The following PCDH15 variants were observed in gnomAD, a reference collection of about 807,000 sequenced individuals.
PCDH15 encodes protocadherin related 15, also known as protocadherin-15.
A neutral mutation model predicts 178.5 loss-of-function variants in PCDH15; 129 were observed. That is an observed-to-expected ratio of 0.72 (90% CI 0.63 to 0.84). PCDH15 has a LOEUF of 0.84. Ranked by LOEUF, PCDH15 falls within the 40% of genes least tolerant of loss-of-function variation. The probability of loss-of-function intolerance (pLI) is 0.00; values close to 1 mark genes in which losing one functional copy is unlikely to be tolerated. For missense variants in PCDH15, 2,230 were observed against 2,099.9 expected, an observed-to-expected ratio of 1.06 and a Z score of -1.21; for synonymous variants, 800 against 732.0, an observed-to-expected ratio of 1.09 and a Z score of -1.50.
chr10:54,212,447 A>G (rs2051549143), intron 10 of PCDH15, among the ~76,000 whole-genome samples: 1 of 152,042 alleles, frequency 6.6e-6, no homozygotes, highest in Admixed American at 6.6e-5. Context: ...CCTGTGCATT[A>G]TGTCTCCAAG....
chr10:53,866,867 G>A lies in PCDH15; in HGVS notation c.3502-10C>T, dbSNP rs751195706. The A allele has an allele frequency of 6.4e-7, 1 of 1,550,858 alleles. No homozygotes were observed. Among genetic ancestry groups the A allele is most frequent in the Non-Finnish European group, 8.8e-7 (1 of 1,136,712 alleles). ...TATCTTTATCAGTAGCCTAGACGGA[G>A]GGGAAAAAAAAAGAGATTATAATTA... On this transcript the variant is annotated splice_polypyrimidine_tract_variant and intron_variant, in intron 26 of 37. Coordinates refer to ENST00000644397, the MANE Select transcript of PCDH15 (RefSeq NM_001384140.1).
intron 2 of PCDH15, among the ~76,000 whole-genome samples, chr10:54,926,328 G>A (rs1837625269): frequency 6.6e-6 from 1 of 152,050 alleles, no homozygotes; most frequent in African/African-American, 2.4e-5. Context: ...GCTTTTTGAT[G>A]TGCTGCTGGA....
At chr10:53,989,117 C>T (rs994889901) in intron 21 of PCDH15, among the ~76,000 whole-genome samples, 1 of 152,130 alleles carries the variant, frequency 6.6e-6, no homozygotes, top group Non-Finnish European at 1.5e-5. Flanking sequence ...TTAAAGTATA[C>T]CTACTGGAAT....
chr10:54,366,591 T>C (rs1266076665), intron 5 of PCDH15, among the ~76,000 whole-genome samples: 1 of 152,058 alleles, frequency 6.6e-6, no homozygotes, highest in Non-Finnish European at 1.5e-5. Context: ...AGATAATTCA[T>C]AATTTATAAT....
intron 5 of PCDH15, among the ~76,000 whole-genome samples, chr10:54,368,383 A>T (rs1407885650): frequency 6.6e-6 from 1 of 151,994 alleles, no homozygotes; most frequent in African/African-American, 2.4e-5. Flanking sequence ...CATTAATGTC[A>T]TTCATTTTTT....
chr10:54,392,701 C>G (rs547776460), intron 3 of PCDH15, among the ~76,000 whole-genome samples: 1 of 151,482 alleles, frequency 6.6e-6, no homozygotes, highest in East Asian at 2.0e-4. Flanking sequence ...GAGTTTGAGA[C>G]CAGCCTGGCC....
chr10:54,438,984 G>A (rs1447533181), intron 3 of PCDH15, among the ~76,000 whole-genome samples: 2 of 151,974 alleles, frequency 1.3e-5, no homozygotes, highest in African/African-American at 2.4e-5. Flanking sequence ...AACTTGTCTG[G>A]CTACTTTTTA....
chr10:54,885,038 A>G (rs1479745480), intron 3 of PCDH15, among the ~76,000 whole-genome samples: 1 of 152,050 alleles, frequency 6.6e-6, no homozygotes, highest in East Asian at 1.9e-4. Context: ...CTCTTCTCTC[A>G]AAGATTATCA....
intron 26 of PCDH15, among the ~76,000 whole-genome samples, chr10:53,877,084 A>C (rs977492213): frequency 1.2e-4 from 18 of 152,284 alleles, no homozygotes; most frequent in Admixed American, 8.5e-4. Flanking sequence ...TAAATTCTGA[A>C]CCATAGAAGG....
At chr10:55,198,378 T>G (rs1840151111) in intron 1 of PCDH15, among the ~76,000 whole-genome samples, 1 of 152,114 alleles carries the variant, frequency 6.6e-6, no homozygotes, top group Non-Finnish European at 1.5e-5. Context: ...TTGCTGTTCT[T>G]GTGACAGTAA....
At chr10:54,092,066 A>C (rs559941857) in intron 15 of PCDH15, among the ~76,000 whole-genome samples, 1 of 152,288 alleles carries the variant, frequency 6.6e-6, no homozygotes, top group African/African-American at 2.4e-5. Flanking sequence ...GACGTACCTC[A>C]AAAAATAAAA....
rs1334077829 is a variant in PCDH15, at chr10:55,405,302, ATAC to A, written c.-156+222320_-156+222322del. 2.8e-5 allele frequency among the ~76,000 whole-genome samples: 4 copies of A among 143,698 alleles called. 1 individual carries two copies. The highest frequency in any genetic ancestry group is 1.0e-4 in the African/African-American group (4 of 39,636). 94.3% of individuals were successfully genotyped at this position (143,698 alleles called of 152,430 possible). ...GTAACAGATATATATATATATATAT[ATAC>A]AATTTAATGTCATGTAATTAAAGAT... On this transcript the variant is annotated intron_variant, in intron 2 of 5. Transcript: ENST00000613346.
At position 55,582,623 on chromosome 10, in the gene PCDH15, TATATA is replaced by T. The variant is rs201430994; in HGVS notation, c.-156+44997_-156+45001del. Among the ~76,000 whole-genome samples, 686 of 92,324 alleles carry T rather than the reference TATATA, an allele frequency of 7.4e-3. 11 individuals carry two copies. The highest frequency in any genetic ancestry group is 0.021 in the African/African-American group (429 of 20,270). 60.6% of individuals were successfully genotyped at this position (92,324 alleles called of 152,430 possible). On this transcript the variant is annotated intron_variant, in intron 2 of 5. Transcript: ENST00000613346. ...ATATATATATATATATATATATATATATATATTTTTTTTTTTTTGCTATATTTGAT... is the reference window on the plus strand; with the variant it reads ...ATATATATATATATATATATATATATTTTTTTTTTTTTTGCTATATTTGAT...
intron 3 of PCDH15, among the ~76,000 whole-genome samples, chr10:54,446,212 C>T (rs556869881): frequency 6.6e-6 from 1 of 151,612 alleles, no homozygotes; most frequent in Non-Finnish European, 1.5e-5. Context: ...TCTGCTTTCT[C>T]TCTATAGTTT....
intron 1 of PCDH15, among the ~76,000 whole-genome samples, chr10:54,779,900 A>G (rs1490013446): frequency 1.3e-5 from 2 of 152,098 alleles, no homozygotes; most frequent in Non-Finnish European, 2.9e-5. Context: ...TCCAGAAAAG[A>G]TCCTTTTATG....
chr10:53,933,045 C>G (rs2085218822), intron 25 of PCDH15, among the ~76,000 whole-genome samples: 1 of 152,076 alleles, frequency 6.6e-6, no homozygotes, highest in Non-Finnish European at 1.5e-5. Context: ...CGATTATAAG[C>G]TTCCGGAGGT....
intron 2 of PCDH15, among the ~76,000 whole-genome samples, chr10:55,343,413 C>T (rs553389482): frequency 3.9e-4 from 60 of 152,164 alleles, no homozygotes; most frequent in African/African-American, 1.3e-3. Context: ...GTACTTTTCT[C>T]CATCTGTTCT....
chr10:55,544,143 T>C (rs11004906), intron 2 of PCDH15, among the ~76,000 whole-genome samples: 108 of 57,372 alleles, frequency 1.9e-3, no homozygotes, highest in African/African-American at 5.0e-3. Flanking sequence ...TACATACATA[T>C]ATATATATAT....
intron 3 of PCDH15, among the ~76,000 whole-genome samples, chr10:54,437,490 G>A (rs552202579): frequency 4.1e-4 from 63 of 151,998 alleles, no homozygotes; most frequent in African/African-American, 1.5e-3. Flanking sequence ...AGCAGTATTG[G>A]TAGTATTATC....
Sources: gnomAD v4.1 joint callset for allele counts (sites outside exome capture counted in the v4.1 genomes callset) on GRCh38, gnomAD v4.1.1 for gene constraint, MANE v1.5 for transcripts, NCBI Gene and HGNC (gene_info 2026-07-23, HGNC 2026-07-21) for gene names.